FOXN3: variants seen among roughly 807,000 people sequenced by gnomAD.
FOXN3 encodes the protein forkhead box N3.
Under a neutral mutation model 38.4 loss-of-function variants are expected in FOXN3, and 7 were observed. That is an observed-to-expected ratio of 0.18 (90% CI 0.10 to 0.34). The LOEUF is 0.34. FOXN3 is among the 10% of genes least tolerant of loss of function. FOXN3 has a pLI of 1.00. For synonymous variants in FOXN3, 230 were observed against 242.2 expected (o/e 0.95, Z 0.47); for missense variants, 456 against 613.4 (o/e 0.74, Z 2.71).
intron 3 of FOXN3, among the ~76,000 whole-genome samples, chr14:89,336,501 A>T (rs530487336): frequency 6.6e-6 from 1 of 152,310 alleles, no homozygotes; most frequent in East Asian, 1.9e-4. Context: ...CAAGGTGGCA[A>T]ATTACCTTGA....
At chr14:89,211,694 G>C (rs1363913808) in intron 4 of FOXN3, among the ~76,000 whole-genome samples, 1 of 152,194 alleles carries the variant, frequency 6.6e-6, no homozygotes, top group African/African-American at 2.4e-5. Flanking sequence ...ACTGGCTTCA[G>C]ATTCACTCAT....
intron 4 of FOXN3, among the ~76,000 whole-genome samples, chr14:89,278,062 C>A (rs923611154): frequency 6.6e-6 from 1 of 152,174 alleles, no homozygotes; most frequent in African/African-American, 2.4e-5. Context: ...CACGACAGGG[C>A]ACCCCCACTG....
intron 4 of FOXN3, among the ~76,000 whole-genome samples, chr14:89,202,596 G>A (rs1888262660): frequency 6.6e-6 from 1 of 152,184 alleles, no homozygotes; most frequent in Non-Finnish European, 1.5e-5. Flanking sequence ...TTCACGGGGA[G>A]GATCCCTCGT....
chr14:89,359,975 A>G (rs947864476), intron 2 of FOXN3, among the ~76,000 whole-genome samples: 2 of 152,358 alleles, frequency 1.3e-5, no homozygotes, highest in Middle Eastern at 3.4e-3. Flanking sequence ...TTGTAACTTT[A>G]TAGAGAGGTG....
At chr14:89,606,048 T>C (rs957937284) in intron 1 of FOXN3, among the ~76,000 whole-genome samples, 8 of 151,684 alleles carry the variant, frequency 5.3e-5, no homozygotes, top group Non-Finnish European at 1.0e-4. Context: ...TAAGCAAGCA[T>C]ATAAATGATA....
At chr14:89,594,965 TG>T (rs545872105) in intron 1 of FOXN3, among the ~76,000 whole-genome samples, 103 of 152,288 alleles carry the variant, frequency 6.8e-4, no homozygotes, top group African/African-American at 2.2e-3. Context: ...CTCAGGATTC[TG>T]ATTGGGATTA....
At chr14:89,191,962 AC>A (rs758187977) in intron 4 of FOXN3, among the ~76,000 whole-genome samples, 6 of 71,650 alleles carry the variant, frequency 8.4e-5, no homozygotes, top group African/African-American at 5.2e-4. Flanking sequence ...ATATATATAT[AC>A]ACATATATAT....
At chr14:89,294,764 A>G (rs1886984462) in intron 3 of FOXN3, among the ~76,000 whole-genome samples, 2 of 152,204 alleles carry the variant, frequency 1.3e-5, no homozygotes, top group Non-Finnish European at 1.5e-5. Flanking sequence ...TAAAAAGGGG[A>G]GGCATGAATA....
At chr14:89,234,961 G>A (rs1168288001) in intron 4 of FOXN3, among the ~76,000 whole-genome samples, 2 of 152,008 alleles carry the variant, frequency 1.3e-5, no homozygotes, top group Admixed American at 6.6e-5. Flanking sequence ...CCTAATTCCC[G>A]CAGCAAGAAA....
intron 4 of FOXN3, among the ~76,000 whole-genome samples, chr14:89,274,907 G>C (rs1383890220): frequency 6.6e-6 from 1 of 152,222 alleles, no homozygotes; most frequent in Non-Finnish European, 1.5e-5. Flanking sequence ...AGAGGACTTT[G>C]AGCCAGGAAG....
At chr14:89,555,876 T>TGGGGGGGGGGGGGGGGGG (rs1566698429) in intron 1 of FOXN3, among the ~76,000 whole-genome samples, 1 of 108,516 alleles carries the variant, frequency 9.2e-6, no homozygotes, top group South Asian at 3.5e-4. Context: ...TGTGTGTGTG[T>TGGGGGGGGGGGGGGGGGG]ATGTGGGGGT....
intron 3 of FOXN3, among the ~76,000 whole-genome samples, chr14:89,323,298 A>AG (rs1887946228): frequency 1.3e-5 from 2 of 148,808 alleles, no homozygotes. Flanking sequence ...AAAAAAAAAA[A>AG]AAAAAAGAAA....
At chr14:89,239,133 A>G (rs1253074214) in intron 4 of FOXN3, among the ~76,000 whole-genome samples, 1 of 152,214 alleles carries the variant, frequency 6.6e-6, no homozygotes, top group Non-Finnish European at 1.5e-5. Flanking sequence ...GAGCTTTTTC[A>G]GCAAGGAGCA....
rs527726215 is a variant in FOXN3 at position 89,344,562 on chromosome 14, T to C, written c.680+6110A>G. Among the ~76,000 whole-genome samples the C allele has an allele frequency of 3.4e-3, 516 of 152,332 alleles. 8 individuals are homozygous for C. Among genetic ancestry groups the C allele is most frequent in the African/African-American group, 0.012 (493 of 41,580 alleles). On this transcript the variant is annotated intron_variant, in intron 3 of 5. Coordinates refer to ENST00000557258, the MANE Select transcript of FOXN3 (RefSeq NM_005197.4). ...CAGAGAAGGTATTACATAAGACCCA[T>C]ATATATGTCACTCTCTAAAAACAAT... is the stretch of plus-strand genomic sequence containing the variant.
intron 4 of FOXN3, among the ~76,000 whole-genome samples, chr14:89,219,686 GTGA>G (rs1241715315): frequency 2.6e-5 from 4 of 152,216 alleles, no homozygotes; most frequent in African/African-American, 9.7e-5. Context: ...CCTGGAAAAT[GTGA>G]TAATAGCACC....
Position 89,518,383 on chromosome 14 carries a change from G to C in FOXN3, c.-15+100645C>G, listed in dbSNP as rs571757328. ...ACCAGGTTTCCAGGTTTCCAATCTT[G>C]TGACCTTGCTCTCCTGGCAAGACTG... On this transcript the variant is annotated intron_variant, in intron 1 of 6. Coordinates refer to the FOXN3 transcript ENST00000345097. 6.6e-5 allele frequency among the ~76,000 whole-genome samples: 10 copies of C among 152,084 alleles called. No individual in the cohort carries two copies. In the South Asian group the frequency reaches 1.7e-3, roughly 25 times the overall value.
At chr14:89,242,560 A>C (rs1319845640) in intron 4 of FOXN3, among the ~76,000 whole-genome samples, 1 of 152,142 alleles carries the variant, frequency 6.6e-6, no homozygotes, top group Non-Finnish European at 1.5e-5. Context: ...AATAATAACG[A>C]TACCACTAAA....
chr14:89,222,963 C>T, intron 4 of FOXN3, among the ~76,000 whole-genome samples: 1 of 152,050 alleles, frequency 6.6e-6, no homozygotes, highest in East Asian at 1.9e-4. Context: ...GAGACAGGGT[C>T]TCACTATGTT....
chr14:89,269,488 T>TG (rs1886083178), intron 4 of FOXN3, among the ~76,000 whole-genome samples: 1 of 151,388 alleles, frequency 6.6e-6, no homozygotes, highest in African/African-American at 2.4e-5. Context: ...TTGTTTTGTT[T>TG]TTTTTTTTCC....
Sources: gnomAD v4.1 joint callset for allele counts (sites outside exome capture counted in the v4.1 genomes callset) on GRCh38, gnomAD v4.1.1 for gene constraint, MANE v1.5 for transcripts, NCBI Gene and HGNC (gene_info 2026-07-23, HGNC 2026-07-21) for gene names.